PNPT1: variants seen among roughly 807,000 people sequenced by gnomAD.
The protein encoded by PNPT1 is polyribonucleotide nucleotidyltransferase 1, mitochondrial.
PNPT1 carries 53 observed loss-of-function variants against 119.5 expected under a neutral mutation model. That is an observed-to-expected ratio of 0.44 (90% CI 0.36 to 0.56). The LOEUF (loss-of-function observed/expected upper bound fraction) is 0.56, where lower values mean the gene tolerates loss of function less well. PNPT1 is among the 20% of genes least tolerant of loss of function. The pLI, the probability that PNPT1 is intolerant of heterozygous loss-of-function variation, is 0.00. For synonymous variants in PNPT1, 357 were observed against 322.1 expected (o/e 1.11, Z -1.16); for missense variants, 948 against 938.5 (o/e 1.01, Z -0.13).
rs979478585 is a variant in PNPT1 at position 55,693,515 on chromosome 2, C to T, written c.161+148G>A. 4.2e-6 allele frequency: 5 copies of T among 1,188,552 alleles called. No homozygotes were observed. In the Admixed American group the frequency reaches 8.0e-5, roughly 19 times the overall value. The allele number at this position is 1,188,552 out of a possible 1,614,324, so 73.6% of individuals were successfully genotyped here. A position where few individuals can be genotyped will look rare whatever the true frequency, so the allele number is the denominator to read the frequency against. ...GGTCCGAGGAGACACATTCCAAACC[C>T]GGAAAGGGAAATTTGGAATTTAGGT... On this transcript the variant is annotated intron_variant, in intron 1 of 27. Transcript: ENST00000447944.
At chr2:55,673,128 G>C (rs768101768) in intron 8 of PNPT1, 49 bp from the exon 9 acceptor site, 1 of 1,394,230 alleles carries the variant, frequency 7.2e-7, no homozygotes, top group South Asian at 1.5e-5. Flanking sequence ...GAAGCTCTTA[G>C]TAATATAACA....
intron 16 of PNPT1, 31 bp downstream of exon 16, chr2:55,656,274 T>C (rs1696383771): frequency 3.1e-6 from 5 of 1,611,190 alleles, no homozygotes; most frequent in Non-Finnish European, 4.2e-6. Context: ...TCTGTAAGAA[T>C]ACCGTATTAA....
At chr2:55,671,854 G>A (rs1020059971) in intron 10 of PNPT1, 141 bp downstream of exon 10, 1 of 648,086 alleles carries the variant, frequency 1.5e-6, no homozygotes, top group Admixed American at 3.3e-5. Flanking sequence ...AAAGAATGGA[G>A]AAACAATTAG....
At chr2:55,662,489 A>C (rs1696608043) in intron 13 of PNPT1, among the ~76,000 whole-genome samples, 1 of 152,160 alleles carries the variant, frequency 6.6e-6, no homozygotes, top group Non-Finnish European at 1.5e-5. Context: ...AGCCTGGCCG[A>C]TACGGTGAAA....
intron 26 of PNPT1, among the ~76,000 whole-genome samples, chr2:55,638,250 T>A (rs553910578): frequency 3.3e-5 from 5 of 149,394 alleles, no homozygotes; most frequent in Non-Finnish European, 7.4e-5. Context: ...TGCAGTAAGC[T>A]GAGATTATGC....
chr2:55,678,090 G>A (rs1021962247), intron 8 of PNPT1, among the ~76,000 whole-genome samples: 6 of 152,154 alleles, frequency 3.9e-5, no homozygotes, highest in Admixed American at 2.0e-4. Context: ...TGCTTATTAG[G>A]TAACATGCTG....
intron 13 of PNPT1, among the ~76,000 whole-genome samples, chr2:55,662,803 G>A (rs1364108734): frequency 5.3e-5 from 8 of 152,052 alleles, no homozygotes; most frequent in Non-Finnish European, 1.2e-4. Context: ...CAGGAAACAG[G>A]GCCCATTCTC....
rs1373201413 is a variant in PNPT1 at position 55,634,518 on chromosome 2, T to A, written c.*1719A>T. The A allele has an allele frequency of 2.6e-5, 4 of 151,460 alleles. No homozygotes were observed. The highest frequency in any genetic ancestry group is 5.9e-5 in the Non-Finnish European group (4 of 68,020). 9.4% of individuals were successfully genotyped at this position (151,460 alleles called of 1,614,324 possible). On this transcript the variant is annotated 3_prime_UTR_variant, in exon 28 of 28. Coordinates refer to ENST00000447944, the MANE Select transcript of PNPT1 (RefSeq NM_033109.5). The stretch of plus-strand genomic sequence containing the variant: ...CTCATGTAATCCACCCGCCTCGGCC[T>A]CCCAAAGTGCTGGAATTACAGGCAT...
chr2:55,650,680 C>T (rs1299517810), intron 18 of PNPT1, among the ~76,000 whole-genome samples: 8 of 151,522 alleles, frequency 5.3e-5, no homozygotes, highest in African/African-American at 1.7e-4. Context: ...TGCCCTGCCG[C>T]CCCGTCCGGG....
At chr2:55,662,389 A>G (rs1696605972) in intron 13 of PNPT1, among the ~76,000 whole-genome samples, 1 of 152,206 alleles carries the variant, frequency 6.6e-6, no homozygotes, top group African/African-American at 2.4e-5. Flanking sequence ...AATTAAAAAA[A>G]AATCAGGCCA....
chr2:55,667,775 C>A (rs1696782360), intron 12 of PNPT1, 87 bp downstream of exon 12: 6 of 1,464,188 alleles, frequency 4.1e-6, no homozygotes, highest in South Asian at 2.6e-5. Context: ...TGAAAAAAAA[C>A]AAACTTTCTT....
chr2:55,680,756 G>T lies in PNPT1; in HGVS notation c.521C>A (p.Ser174Tyr). ...EPDVLAINGA[S>Y]VALSLSDIPW... Reference sequence around the variant, plus strand: ...AATATCTGATAATGAGAGGGCTACGGAAGCTTAAAAAAGGAGAAAAATCAG... The same window carrying T: ...AATATCTGATAATGAGAGGGCTACGTAAGCTTAAAAAAGGAGAAAAATCAG... Residue 174 changes from serine to tyrosine, a missense_variant, in exon 7 of 28, where the codon TCC becomes TAC. Ser to Tyr is a moderately radical substitution (Grantham distance 144, BLOSUM62 -2). Transcript: ENST00000447944. 1 of 1,613,530 alleles carries T rather than the reference G, an allele frequency of 6.2e-7. No homozygotes were observed. The highest frequency in any genetic ancestry group is 8.5e-7 in the Non-Finnish European group (1 of 1,179,864).
chr2:55,680,411 G>A (rs1041033420), intron 7 of PNPT1, among the ~76,000 whole-genome samples: 29 of 115,378 alleles, frequency 2.5e-4, no homozygotes, highest in African/African-American at 9.8e-4. Flanking sequence ...TATATACTCT[G>A]ATAATTTCCC....
intron 1 of PNPT1, among the ~76,000 whole-genome samples, chr2:55,691,771 T>A (rs1016293692): frequency 6.7e-6 from 1 of 150,070 alleles, no homozygotes; most frequent in Non-Finnish European, 1.5e-5. Flanking sequence ...GGAATAAGCC[T>A]TAGAGATAAC....
At chr2:55,688,048 CTTTT>C (rs766988624) in intron 1 of PNPT1, among the ~76,000 whole-genome samples, 1 of 141,710 alleles carries the variant, frequency 7.1e-6, no homozygotes, top group African/African-American at 2.6e-5. Context: ...TTTTTCTTTT[CTTTT>C]TTTTTTTTTG....
At chr2:55,667,376 C>T (rs1441845540) in intron 12 of PNPT1, among the ~76,000 whole-genome samples, 4 of 152,032 alleles carry the variant, frequency 2.6e-5, no homozygotes, top group African/African-American at 7.2e-5. Flanking sequence ...AGGCGGATCA[C>T]GAGGTCAGGA....
At chr2:55,664,192 G>T (rs933159870) in intron 13 of PNPT1, among the ~76,000 whole-genome samples, 1 of 152,144 alleles carries the variant, frequency 6.6e-6, no homozygotes, top group African/African-American at 2.4e-5. Context: ...ACCTTGTGGG[G>T]GTTTATGACA....
intron 1 of PNPT1, among the ~76,000 whole-genome samples, chr2:55,693,406 G>C (rs780523485): frequency 1.8e-4 from 27 of 152,186 alleles, no homozygotes; most frequent in Non-Finnish European, 2.8e-4. Flanking sequence ...AAAGAGATCG[G>C]AAGTCAGGTG....
chr2:55,669,208 G>A (rs1342790693), intron 11 of PNPT1, among the ~76,000 whole-genome samples: 1 of 152,090 alleles, frequency 6.6e-6, no homozygotes, highest in Non-Finnish European at 1.5e-5. Flanking sequence ...ATAAAGAGGT[G>A]GAGTAAACTG....
Sources: allele counts gnomAD v4.1 joint callset (sites outside exome capture counted in the v4.1 genomes callset), GRCh38; gene constraint gnomAD v4.1.1; transcripts MANE v1.5; gene names NCBI Gene and HGNC (gene_info 2026-07-23, HGNC 2026-07-21).